GANC: variants seen among roughly 807,000 people sequenced by gnomAD.
The protein encoded by GANC is glucosidase alpha, neutral C, also known as neutral alpha-glucosidase C.
GANC carries 117 observed loss-of-function variants against 124.2 expected under a neutral mutation model. The observed-to-expected ratio is 0.94, with a 90% CI of 0.81 to 1.10. GANC has a LOEUF of 1.10. Ranked by LOEUF, GANC falls within the 50% of genes least tolerant of loss-of-function variation. GANC has a pLI of 0.00. For missense variants in GANC, 1,140 were observed against 1,095.0 expected, an observed-to-expected ratio of 1.04 and a Z score of -0.58; for synonymous variants, 377 against 376.8, an observed-to-expected ratio of 1.00 and a Z score of -0.01.
At position 42,349,314 on chromosome 15, in the gene GANC, A is replaced by G. The variant is rs539654375; in HGVS notation, c.2419-69A>G. 7.7e-5 allele frequency: 75 copies of G among 970,896 alleles called. No individual in the cohort carries two copies. The Middle Eastern group carries it at 8.3e-4, about 11-fold the overall frequency. The allele number at this position is 970,896 out of a possible 1,614,324, so 60.1% of individuals were successfully genotyped here. On this transcript the variant is annotated intron_variant, in intron 21 of 23. Coordinates refer to ENST00000318010, the MANE Select transcript of GANC (RefSeq NM_198141.3). ...ACTTTTTACTCTGTTGTTACCCTTT[A>G]GGAGCTGACATTCTTTTCCTGTAAA...
Position 42,287,785 on chromosome 15 carries a change from C to T in GANC, c.296C>T (p.Pro99Leu), listed in dbSNP as rs1166237860. ...CCTCTAAAACCCAGATTTGAAGTTC[C>T]GGATGTCCTCACAAGCAAGCCAAGC... ...ETPLKPRFEV[P>L]DVLTSKPSTV... The change falls in exon 4 of 24, where the codon CCG (proline) becomes CTG (leucine). Residue 99 changes from proline to leucine, a missense_variant. By Grantham distance (98) the Pro-to-Leu change is moderately conservative. Coordinates refer to ENST00000318010, the MANE Select transcript of GANC (RefSeq NM_198141.3). 13 of 1,613,054 alleles carry T rather than the reference C, an allele frequency of 8.1e-6. No homozygotes were observed. The highest frequency in any genetic ancestry group is 2.7e-5 in the African/African-American group (2 of 74,816).
intron 20 of GANC, among the ~76,000 whole-genome samples, chr15:42,346,152 T>C (rs1642998349): frequency 6.6e-6 from 1 of 152,202 alleles, no homozygotes; most frequent in African/African-American, 2.4e-5. Context: ...ACCACATTTT[T>C]AACCTTAGTT....
intron 22 of GANC, 36 bp from the exon 23 acceptor site, chr15:42,351,293 T>A (rs2052433570): frequency 6.6e-7 from 1 of 1,506,714 alleles, no homozygotes; most frequent in Admixed American, 1.7e-5. Context: ...CAAACCCCCA[T>A]CCCTCTCCTT....
intron 5 of GANC, among the ~76,000 whole-genome samples, chr15:42,296,191 C>T (rs368454370): frequency 3.8e-4 from 58 of 151,774 alleles, no homozygotes; most frequent in African/African-American, 1.4e-3. Flanking sequence ...GTATTGATCC[C>T]TTTATCATTG....
chr15:42,350,243 T>C (rs1467088782), intron 22 of GANC, among the ~76,000 whole-genome samples: 2 of 151,788 alleles, frequency 1.3e-5, no homozygotes, highest in Non-Finnish European at 2.9e-5. Context: ...TTGGTCAGCC[T>C]GGTCTCGAAC....
chr15:42,316,137 G>C (rs1456893823), intron 10 of GANC, among the ~76,000 whole-genome samples: 3 of 152,006 alleles, frequency 2.0e-5, no homozygotes, highest in Non-Finnish European at 2.9e-5. Context: ...TTGAAAGCAG[G>C]GACTCAACAG....
At chr15:42,327,123 A>G (rs544622514) in intron 12 of GANC, among the ~76,000 whole-genome samples, 11 of 152,310 alleles carry the variant, frequency 7.2e-5, no homozygotes, top group Admixed American at 5.2e-4. Flanking sequence ...GACAGGCTCT[A>G]TCATGATACT....
intron 10 of GANC, chr15:42,313,947 A>G (rs2052079288): frequency 1.6e-6 from 1 of 617,520 alleles, no homozygotes; most frequent in Non-Finnish European, 2.9e-6. Flanking sequence ...GCGAGACCCT[A>G]TCTCTAAAAA....
chr15:42,346,624 C>T (rs2052366752), intron 20 of GANC, among the ~76,000 whole-genome samples: 1 of 152,182 alleles, frequency 6.6e-6, no homozygotes, highest in African/African-American at 2.4e-5. Flanking sequence ...CGTATGTTTA[C>T]ATTTGTGTGT....
chr15:42,351,991 T>G (rs565082412), intron 23 of GANC, 39 bp from the exon 24 acceptor site: 1 of 1,612,038 alleles, frequency 6.2e-7, no homozygotes, highest in South Asian at 1.1e-5. Flanking sequence ...CTTCTAGAGA[T>G]TCATCAAAAT....
intron 10 of GANC, among the ~76,000 whole-genome samples, chr15:42,318,325 C>T (rs2052127021): frequency 6.6e-6 from 1 of 152,108 alleles, no homozygotes; most frequent in Non-Finnish European, 1.5e-5. Flanking sequence ...CTTTTTGCTT[C>T]CTTGCAGGTA....
At chr15:42,343,209 T>C in intron 19 of GANC, 55 bp downstream of exon 19, 1 of 1,469,472 alleles carries the variant, frequency 6.8e-7, no homozygotes, top group Middle Eastern at 1.7e-4. Flanking sequence ...CATCCCTTCT[T>C]TTCTTTTAGG....
At chr15:42,333,939 A>G (rs1412563409) in intron 15 of GANC, among the ~76,000 whole-genome samples, 1 of 152,174 alleles carries the variant, frequency 6.6e-6, no homozygotes, top group Non-Finnish European at 1.5e-5. Flanking sequence ...AGAGTATCCA[A>G]CACATATGTG....
At chr15:42,299,537 A>G (rs143274968) in intron 6 of GANC, among the ~76,000 whole-genome samples, 2,548 of 152,278 alleles carry the variant, frequency 0.017, 35 homozygotes, top group Non-Finnish European at 0.029. Flanking sequence ...TGCCCAAAAT[A>G]ATTTATAGAT....
intron 2 of GANC, 136 bp from the exon 3 acceptor site, chr15:42,278,346 A>G (rs2051696525): frequency 1.9e-6 from 1 of 533,160 alleles, no homozygotes; most frequent in South Asian, 2.8e-5. Context: ...ACTTTATTAT[A>G]GTACTAATAC....
chr15:42,303,670 G>GAAAAAAAAAA (rs150074091), intron 6 of GANC, among the ~76,000 whole-genome samples: 2 of 128,566 alleles, frequency 1.6e-5, no homozygotes, highest in African/African-American at 5.7e-5. Context: ...TATTTACCAA[G>GAAAAAAAAAA]AAAAAAAAAA....
chr15:42,349,642 C>G, intron 22 of GANC, 147 bp downstream of exon 22: 1 of 603,068 alleles, frequency 1.7e-6, no homozygotes, highest in South Asian at 2.1e-5. Context: ...TTTTTCTTTT[C>G]TTTTCTTTTC....
chr15:42,327,719 A>G (rs1275423331), intron 13 of GANC, among the ~76,000 whole-genome samples: 1 of 152,290 alleles, frequency 6.6e-6, no homozygotes, highest in East Asian at 1.9e-4. Flanking sequence ...TATATTTTCA[A>G]ATTGCTATAT....
Position 42,352,259 on chromosome 15 carries a change from C to G in GANC, c.*120C>G. On this transcript the variant is annotated 3_prime_UTR_variant, in exon 24 of 24. Transcript: ENST00000318010. The stretch of plus-strand genomic sequence containing the variant: ...CCTTCCCTGAATCAAAATAATCTTT[C>G]ATTCGTCACCATTATACTAATGAAC... The G allele has an allele frequency of 6.7e-7, 1 of 1,491,884 alleles. No individual in the cohort carries two copies. The highest frequency in any genetic ancestry group is 1.4e-5 in the African/African-American group (1 of 71,364). The allele number at this position is 1,491,884 out of a possible 1,614,324, so 92.4% of individuals were successfully genotyped here.
Sources: allele counts gnomAD v4.1 joint callset (sites outside exome capture counted in the v4.1 genomes callset), GRCh38; gene constraint gnomAD v4.1.1; transcripts MANE v1.5; gene names NCBI Gene and HGNC (gene_info 2026-07-23, HGNC 2026-07-21).